The following IL5RA variants were observed in gnomAD, a reference collection of about 807,000 sequenced individuals.
IL5RA encodes the protein interleukin-5 receptor subunit alpha.
A neutral mutation model predicts 50.0 loss-of-function variants in IL5RA; 49 were observed. That is an observed-to-expected ratio of 0.98 (90% confidence interval 0.78 to 1.24). The LOEUF (loss-of-function observed/expected upper bound fraction) is 1.24, where lower values mean the gene tolerates loss of function less well. IL5RA is among the 50% of genes most tolerant of loss of function. IL5RA has a pLI of 0.00. For missense variants in IL5RA, 600 were observed against 500.4 expected, an observed-to-expected ratio of 1.20 and a Z score of -1.90; for synonymous variants, 202 against 174.0, an observed-to-expected ratio of 1.16 and a Z score of -1.26.
Position 3,067,229 on chromosome 3 carries a change from A to T in IL5RA, c.*2996T>A, listed in dbSNP as rs1443215924. The T allele has an allele frequency of 6.6e-6, 1 of 152,196 alleles. No individual in the cohort carries two copies. The highest frequency in any genetic ancestry group is 2.1e-4 in the South Asian group (1 of 4,834). 9.4% of individuals were successfully genotyped at this position (152,196 alleles called of 1,614,324 possible). ...AAAAACATCCAGGTTGCAGTAGCCCAGTTGTTAGGCACATGTGTCTCCTGG... is the reference window on the plus strand; with the variant it reads ...AAAAACATCCAGGTTGCAGTAGCCCTGTTGTTAGGCACATGTGTCTCCTGG... On this transcript the variant is annotated 3_prime_UTR_variant, in exon 12 of 12. Transcript: ENST00000446632.
intron 9 of IL5RA, among the ~76,000 whole-genome samples, chr3:3,087,792 G>A (rs926348570): frequency 1.3e-5 from 2 of 152,158 alleles, no homozygotes; most frequent in African/African-American, 2.4e-5. Context: ...TCGCCTGATG[G>A]ACTCCTAGCT....
intron 11 of IL5RA, among the ~76,000 whole-genome samples, chr3:3,071,044 G>T (rs901335040): frequency 6.6e-6 from 1 of 151,974 alleles, no homozygotes; most frequent in Non-Finnish European, 1.5e-5. Context: ...ACCCATTTTG[G>T]CTATAATGAA....
At chr3:3,091,944 T>C (rs971755567) in intron 9 of IL5RA, 5 of 1,136,966 alleles carry the variant, frequency 4.4e-6, no homozygotes, top group Non-Finnish European at 5.4e-6. Context: ...AATAAAAAGT[T>C]TAATTTAAAA....
intron 9 of IL5RA, among the ~76,000 whole-genome samples, chr3:3,082,986 C>A (rs970292715): frequency 6.6e-6 from 1 of 152,160 alleles, no homozygotes; most frequent in Non-Finnish European, 1.5e-5. Flanking sequence ...TCCAACAGAG[C>A]AGGCCTGCTG....
chr3:3,074,412 T>C (rs1362616344), intron 11 of IL5RA, among the ~76,000 whole-genome samples: 2 of 152,206 alleles, frequency 1.3e-5, no homozygotes, highest in Admixed American at 6.5e-5. Context: ...AGTCTAACTG[T>C]CAAGAACACT....
At chr3:3,087,238 T>A (rs994792330) in intron 9 of IL5RA, among the ~76,000 whole-genome samples, 10 of 152,186 alleles carry the variant, frequency 6.6e-5, no homozygotes, top group African/African-American at 2.4e-4. Context: ...GTTTTTAATT[T>A]AAAAAATTCC....
At chr3:3,090,312 G>A in intron 9 of IL5RA, 2 of 1,272,492 alleles carry the variant, frequency 1.6e-6, no homozygotes, top group South Asian at 1.3e-5. Flanking sequence ...CCTTGTAAAG[G>A]CTGAATGTTA....
At chr3:3,084,180 A>G (rs149422172) in intron 9 of IL5RA, among the ~76,000 whole-genome samples, 1 of 152,324 alleles carries the variant, frequency 6.6e-6, no homozygotes, top group African/African-American at 2.4e-5. Context: ...CGAATGAATT[A>G]ACACATGTGA....
chr3:3,106,831 GA>G (rs1299363455), intron 2 of IL5RA, among the ~76,000 whole-genome samples: 2 of 152,082 alleles, frequency 1.3e-5, no homozygotes, highest in African/African-American at 2.4e-5. Flanking sequence ...TTCTAGGTCA[GA>G]AAAAACTGCA....
At chr3:3,094,225 A>G (rs1703256111) in intron 8 of IL5RA, among the ~76,000 whole-genome samples, 1 of 152,176 alleles carries the variant, frequency 6.6e-6, no homozygotes, top group Admixed American at 6.5e-5. Flanking sequence ...ACACTCTTTT[A>G]ATCTTGCAAA....
rs780941830 is a variant in IL5RA at position 3,101,828 on chromosome 3, A to G, written c.231T>C (p.Tyr77=). 9 of 1,613,256 alleles carry G rather than the reference A, an allele frequency of 5.6e-6. No individual in the cohort carries two copies. The highest frequency in any genetic ancestry group is 1.7e-5 in the Admixed American group (1 of 59,884). ...ATTTGCTTTCAGTGATTCTGGTTTCATACTAAAAATAAAACCCACAAGTCA... is the reference window on the plus strand; with the variant it reads ...ATTTGCTTTCAGTGATTCTGGTTTCGTACTAAAAATAAAACCCACAAGTCA... The part of the protein sequence containing the change: ...VKINAPKEDD[Y]ETRITESKCV... The change falls in exon 5 of 12, where the codon TAT becomes TAC. Residue 77 remains tyrosine, a splice_region_variant and synonymous_variant. Transcript: ENST00000446632.
rs746869887 is a variant in IL5RA at position 3,101,727 on chromosome 3, C to G, written c.332G>C (p.Ser111Thr). 1 of 1,613,976 alleles carries G rather than the reference C, an allele frequency of 6.2e-7. No homozygotes were observed. Among genetic ancestry groups the G allele is most frequent in the South Asian group, 1.1e-5 (1 of 91,060 alleles). Residue 111 changes from serine (S) to threonine (T), a missense_variant, in exon 5 of 12, where the codon AGC becomes ACC. Transcript: ENST00000446632. Reference protein sequence around the residue: ...ILQNDHSLLASSWASAELHAP... With the variant: ...ILQNDHSLLATSWASAELHAP... ...ATGAAGTTCAGCAGAAGCCCAGCTG[C>G]TGGCCAGTAGTGAGTGGTCGTTCTG... is the stretch of plus-strand genomic sequence containing the variant.
intron 9 of IL5RA, among the ~76,000 whole-genome samples, chr3:3,085,892 GCTGTCTGCTGTGCCC>G (rs1401705830): frequency 6.6e-6 from 1 of 152,150 alleles, no homozygotes; most frequent in Non-Finnish European, 1.5e-5. Flanking sequence ...TGTTTAAGGA[GCTGTCTGCTGTGCCC>G]CTGTCTGCTG....
chr3:3,096,631 T>C (rs2125978734), intron 7 of IL5RA, among the ~76,000 whole-genome samples: 1 of 152,334 alleles, frequency 6.6e-6, no homozygotes. Flanking sequence ...TACTAGATCA[T>C]ATCCATTTTC....
chr3:3,105,547 C>T (rs1399941661), intron 2 of IL5RA: 1 of 152,006 alleles, frequency 6.6e-6, no homozygotes, highest in Admixed American at 6.6e-5. Flanking sequence ...CTAAGAGAAA[C>T]TTTGTATCAC....
intron 3 of IL5RA, among the ~76,000 whole-genome samples, chr3:3,104,542 C>T (rs948787543): frequency 3.9e-5 from 6 of 152,144 alleles, no homozygotes; most frequent in Non-Finnish European, 8.8e-5. Context: ...ATAACATCAG[C>T]AGATTTCAGG....
chr3:3,101,020 A>AATG (rs1703624389), intron 5 of IL5RA, among the ~76,000 whole-genome samples: 2 of 144,154 alleles, frequency 1.4e-5, no homozygotes, highest in Non-Finnish European at 3.1e-5. Context: ...TAATAATAAT[A>AATG]ATACAAAAAT....
chr3:3,076,698 G>GACCCA, intron 9 of IL5RA, 71 bp from the exon 10 acceptor site: 2 of 980,222 alleles, frequency 2.0e-6, no homozygotes, highest in Non-Finnish European at 3.2e-6. Context: ...AAGAAATGAT[G>GACCCA]AGGCTTGGGT....
chr3:3,077,671 A>C (rs1436431907), intron 9 of IL5RA, among the ~76,000 whole-genome samples: 2 of 152,172 alleles, frequency 1.3e-5, no homozygotes, highest in Non-Finnish European at 2.9e-5. Flanking sequence ...TGGGAGGCCG[A>C]GGCACAAAAT....
Sources: allele counts gnomAD v4.1 joint callset (sites outside exome capture counted in the v4.1 genomes callset), GRCh38; gene constraint gnomAD v4.1.1; transcripts MANE v1.5; gene names NCBI Gene and HGNC (gene_info 2026-07-23, HGNC 2026-07-21).